CNTN5: variants seen among roughly 807,000 people sequenced by gnomAD.
The protein encoded by CNTN5 is contactin-5.
In CNTN5, 77 loss-of-function variants were observed where a neutral mutation model predicts 129.1. That is an observed-to-expected ratio of 0.60 (90% CI 0.50 to 0.72). The LOEUF is 0.72. Among genes scored for constraint, CNTN5 ranks in the 30% least tolerant of loss-of-function variants. CNTN5 has a pLI of 0.00. For synonymous variants in CNTN5, 509 were observed against 465.6 expected, an observed-to-expected ratio of 1.09 and a Z score of -1.20; for missense variants, 1,478 against 1,328.8, an observed-to-expected ratio of 1.11 and a Z score of -1.75.
Position 100,286,046 on chromosome 11 carries a change from A to ACC in CNTN5, c.2315-11579_2315-11578insCC, listed in dbSNP as rs1950779495. On this transcript the variant is annotated intron_variant, in intron 18 of 24. Transcript: ENST00000524871. Reference sequence around the variant, plus strand: ...CCCACCCTAATACTGCGCTTTTCCGATAGGCTTAAAAAACGGCCCAACACG... The same window carrying ACC: ...CCCACCCTAATACTGCGCTTTTCCGACCTAGGCTTAAAAAACGGCCCAACACG... 1.6e-4 allele frequency among the ~76,000 whole-genome samples: 25 copies of ACC among 152,268 alleles called. No individual in the cohort carries two copies. In the South Asian group the frequency reaches 5.0e-3, roughly 30 times the overall value.
intron 9 of CNTN5, among the ~76,000 whole-genome samples, chr11:100,033,769 G>T (rs1443326982): frequency 2.0e-5 from 3 of 152,086 alleles, no homozygotes; most frequent in Non-Finnish European, 2.9e-5. Context: ...CCTCAGTGCT[G>T]CACACCAGTC....
At chr11:100,145,565 C>A (rs943467420) in intron 13 of CNTN5, among the ~76,000 whole-genome samples, 1 of 152,256 alleles carries the variant, frequency 6.6e-6, no homozygotes, top group African/African-American at 2.4e-5. Context: ...TAATAGGTTT[C>A]CTTAATGACC....
chr11:99,918,646 A>T (rs772052129), intron 7 of CNTN5, among the ~76,000 whole-genome samples: 2 of 152,108 alleles, frequency 1.3e-5, no homozygotes, highest in Non-Finnish European at 2.9e-5. Flanking sequence ...TTTTTAGTAT[A>T]TATTATAGTA....
chr11:99,044,706 G>T (rs185488310), intron 1 of CNTN5, among the ~76,000 whole-genome samples: 85 of 152,270 alleles, frequency 5.6e-4, no homozygotes, highest in Non-Finnish European at 1.0e-3. Flanking sequence ...CTTTTCCCGA[G>T]GGGTGGGGCG....
chr11:99,156,552 G>T (rs1056085467), intron 1 of CNTN5, among the ~76,000 whole-genome samples: 8 of 151,768 alleles, frequency 5.3e-5, no homozygotes, highest in Admixed American at 1.3e-4. Flanking sequence ...TCCACCTTTA[G>T]GACTTTCTCT....
chr11:99,372,100 T>C (rs980513835), intron 2 of CNTN5, among the ~76,000 whole-genome samples: 1 of 152,238 alleles, frequency 6.6e-6, no homozygotes, highest in Non-Finnish European at 1.5e-5. Context: ...AAGCACAGCC[T>C]TCCATGCTTA....
chr11:99,629,571 A>G (rs960606002), intron 3 of CNTN5, among the ~76,000 whole-genome samples: 1 of 151,584 alleles, frequency 6.6e-6, no homozygotes, highest in Non-Finnish European at 1.5e-5. Flanking sequence ...GATCAGGGGT[A>G]CAGGATTTAT....
intron 3 of CNTN5, among the ~76,000 whole-genome samples, chr11:99,708,308 A>T (rs970751408): frequency 6.6e-6 from 1 of 151,736 alleles, no homozygotes; most frequent in Non-Finnish European, 1.5e-5. Flanking sequence ...TTTCACATTC[A>T]TATATTAGAG....
chr11:99,625,885 A>C (rs1466129238), intron 3 of CNTN5, among the ~76,000 whole-genome samples: 1 of 149,664 alleles, frequency 6.7e-6, no homozygotes, highest in Non-Finnish European at 1.5e-5. Flanking sequence ...TCATGAGCTC[A>C]TGATAAGGGC....
At chr11:100,192,252 A>T (rs1591375842) in intron 14 of CNTN5, among the ~76,000 whole-genome samples, 1 of 151,990 alleles carries the variant, frequency 6.6e-6, no homozygotes, top group Non-Finnish European at 1.5e-5. Flanking sequence ...TAACAACAAA[A>T]ATGTTATTTT....
intron 3 of CNTN5, among the ~76,000 whole-genome samples, chr11:99,754,791 A>G (rs776399487): frequency 2.0e-5 from 3 of 152,190 alleles, no homozygotes; most frequent in Non-Finnish European, 2.9e-5. Flanking sequence ...AGTAGTTTAC[A>G]TTAGGGTTCA....
intron 1 of CNTN5, among the ~76,000 whole-genome samples, chr11:99,304,724 G>C (rs928943132): frequency 1.3e-4 from 20 of 152,172 alleles, no homozygotes; most frequent in African/African-American, 4.1e-4. Flanking sequence ...TTGATGTCCA[G>C]TGAGATTAAA....
Position 99,203,627 on chromosome 11 carries a change from T to A in CNTN5, c.-209-121719T>A, listed in dbSNP as rs575210162. ...GGTGGTGGGACAGAGTATCACTCTG[T>A]CTCCAAGGTTGGAGTGCAATGGCGT... is the stretch of plus-strand genomic sequence containing the variant. On this transcript the variant is annotated intron_variant, in intron 1 of 24. Transcript: ENST00000524871. Among the ~76,000 whole-genome samples the A allele has an allele frequency of 4.6e-5, 7 of 152,152 alleles. No individual in the cohort carries two copies. The East Asian group carries it at 5.8e-4, about 13-fold the overall frequency.
chr11:99,206,412 A>G (rs1859485180), intron 1 of CNTN5, among the ~76,000 whole-genome samples: 1 of 152,096 alleles, frequency 6.6e-6, no homozygotes, highest in Non-Finnish European at 1.5e-5. Context: ...ATGTAAACAA[A>G]CAAAAATCGG....
chr11:99,444,654 A>T (rs1943986115), intron 2 of CNTN5, among the ~76,000 whole-genome samples: 2 of 152,172 alleles, frequency 1.3e-5, no homozygotes, highest in African/African-American at 4.8e-5. Flanking sequence ...ATCTTCTTTT[A>T]TCTGAATAAA....
At chr11:99,680,499 A>G (rs1360517700) in intron 3 of CNTN5, among the ~76,000 whole-genome samples, 1 of 151,794 alleles carries the variant, frequency 6.6e-6, no homozygotes, top group African/African-American at 2.4e-5. Context: ...AGCATGGTTT[A>G]CTGAATATTT....
chr11:99,878,866 T>C (rs1302197798), intron 6 of CNTN5, among the ~76,000 whole-genome samples: 1 of 151,888 alleles, frequency 6.6e-6, no homozygotes, highest in Non-Finnish European at 1.5e-5. Context: ...AAAAAATAAT[T>C]AATAATTTTT....
rs183725602 is a variant in CNTN5, at chr11:99,069,073, G to C, written c.-210+47803G>C. Among the ~76,000 whole-genome samples the C allele has an allele frequency of 2.0e-5, 3 of 152,128 alleles. No individual in the cohort carries two copies. The East Asian group carries it at 5.8e-4, about 30-fold the overall frequency. On this transcript the variant is annotated intron_variant, in intron 1 of 24. Transcript: ENST00000524871. Reference sequence around the variant, plus strand: ...AATTTGAAAGCAAAAATAGGAAGCCGACAAGGTTGAGCATTACTGGCAGAC... The same window carrying C: ...AATTTGAAAGCAAAAATAGGAAGCCCACAAGGTTGAGCATTACTGGCAGAC...
At chr11:99,433,371 A>ATGTGTGTGTG (rs1555143806) in intron 2 of CNTN5, among the ~76,000 whole-genome samples, 18 of 140,838 alleles carry the variant, frequency 1.3e-4, no homozygotes, top group Non-Finnish European at 4.6e-5. Flanking sequence ...TAAAAAAAAA[A>ATGTGTGTGTG]TGTGTGTGTG....
Sources: gnomAD v4.1 joint callset for allele counts (sites outside exome capture counted in the v4.1 genomes callset) on GRCh38, gnomAD v4.1.1 for gene constraint, MANE v1.5 for transcripts, NCBI Gene and HGNC (gene_info 2026-07-23, HGNC 2026-07-21) for gene names.